Variants in CRBN observed in about 807,000 individuals in gnomAD.
CRBN encodes protein cereblon.
In CRBN, 53 loss-of-function variants were observed where a neutral mutation model predicts 62.2. The ratio of observed to expected loss-of-function variants is 0.85; its 90% CI spans 0.68 to 1.07. The LOEUF (loss-of-function observed/expected upper bound fraction) is 1.07, where lower values mean the gene tolerates loss of function less well. CRBN is among the 50% of genes least tolerant of loss of function. The pLI, the probability that CRBN is intolerant of heterozygous loss-of-function variation, is 0.00. For missense variants in CRBN, 616 were observed against 531.1 expected (o/e 1.16, Z -1.57); for synonymous variants, 208 against 176.1 (o/e 1.18, Z -1.43).
chr3:3,154,410 T>C (rs888378864), intron 7 of CRBN: 1 of 448,564 alleles, frequency 2.2e-6, no homozygotes, highest in South Asian at 2.4e-5. Context: ...AGGCAAGTCC[T>C]GGAACTAGAC....
chr3:3,161,074 C>G lies in CRBN; in HGVS notation c.688-4793G>C, dbSNP rs533647609. 2.6e-5 allele frequency among the ~76,000 whole-genome samples: 4 copies of G among 152,206 alleles called. No homozygotes were observed. The East Asian group carries it at 7.7e-4, about 29-fold the overall frequency. On this transcript the variant is annotated intron_variant, in intron 5 of 10. Transcript: ENST00000231948. ...CTTTGCATGGGAACGTCATTTTTGG[C>G]TATGATTTAGAATACAGAAGCATTA...
chr3:3,158,310 CCACT>C (rs1299312483), intron 5 of CRBN, among the ~76,000 whole-genome samples: 1 of 152,196 alleles, frequency 6.6e-6, no homozygotes, highest in African/African-American at 2.4e-5. Context: ...TGCTCGTTCA[CCACT>C]CACCACCGGC....
chr3:3,157,776 A>G (rs1317622243), intron 5 of CRBN, among the ~76,000 whole-genome samples: 2 of 152,198 alleles, frequency 1.3e-5, no homozygotes, highest in Admixed American at 6.5e-5. Flanking sequence ...GTTTGGTGCA[A>G]AAGTAACTGC....
intron 1 of CRBN, among the ~76,000 whole-genome samples, chr3:3,178,839 G>A (rs901724690): frequency 5.9e-5 from 9 of 151,466 alleles, no homozygotes; most frequent in Admixed American, 2.0e-4. Flanking sequence ...CTTTTGGAAA[G>A]CATCTCTTGA....
intron 5 of CRBN, among the ~76,000 whole-genome samples, chr3:3,157,599 C>G (rs1706953045): frequency 6.6e-6 from 1 of 152,158 alleles, no homozygotes; most frequent in African/African-American, 2.4e-5. Context: ...GTCATATGAT[C>G]TTGCAAGTGC....
intron 5 of CRBN, 175 bp downstream of exon 5, chr3:3,167,459 C>T: frequency 1.7e-6 from 1 of 602,528 alleles, no homozygotes; most frequent in Non-Finnish European, 2.9e-6. Flanking sequence ...CTTTTGTAAA[C>T]TGCTTTTACA....
intron 1 of CRBN, among the ~76,000 whole-genome samples, 200 bp downstream of exon 1, chr3:3,179,421 G>A (rs1037517105): frequency 1.3e-5 from 2 of 152,122 alleles, no homozygotes; most frequent in South Asian, 2.1e-4. Flanking sequence ...CTCACGGCTC[G>A]GGGCAACAGA....
intron 5 of CRBN, 27 bp downstream of exon 5, chr3:3,167,607 A>C (rs375034956): frequency 1.6e-5 from 25 of 1,602,578 alleles, no homozygotes; most frequent in Non-Finnish European, 1.9e-5. Context: ...TCATTTTTTG[A>C]AGATGCATAA....
chr3:3,166,311 C>T lies in CRBN; in HGVS notation c.687+1323G>A, dbSNP rs938649305. On this transcript the variant is annotated intron_variant, in intron 5 of 10. Coordinates refer to ENST00000231948, the MANE Select transcript of CRBN (RefSeq NM_016302.4). ...TGTACAAGTTCTTTTTCCCTGCTGC[C>T]ATCTATGTAAGACGTGACTTGCTCT... 4.6e-5 allele frequency among the ~76,000 whole-genome samples: 7 copies of T among 152,116 alleles called. No individual in the cohort carries two copies. In the East Asian group the frequency reaches 1.3e-3, roughly 29 times the overall value.
intron 4 of CRBN, among the ~76,000 whole-genome samples, chr3:3,168,721 CTTAT>C (rs372526817): frequency 5.1e-4 from 77 of 152,104 alleles, no homozygotes; most frequent in Admixed American, 3.3e-4. Flanking sequence ...TGACATTTTA[CTTAT>C]TTATTAGAAG....
At chr3:3,153,336 C>A in intron 9 of CRBN, 88 bp downstream of exon 9, 1 of 806,936 alleles carries the variant, frequency 1.2e-6, no homozygotes, top group Non-Finnish European at 2.2e-6. Context: ...CTTTAAGGTA[C>A]TGGAGGAAAG....
At chr3:3,153,368 GTCT>G in intron 9 of CRBN, 53 bp downstream of exon 9, 1 of 988,456 alleles carries the variant, frequency 1.0e-6, no homozygotes, top group East Asian at 2.4e-5. Flanking sequence ...CAGAAATACA[GTCT>G]TCATTATAAT....
chr3:3,161,537 C>T (rs1331942564), intron 5 of CRBN, among the ~76,000 whole-genome samples: 17 of 152,144 alleles, frequency 1.1e-4, no homozygotes, highest in African/African-American at 4.1e-4. Context: ...TACAGGCACC[C>T]GCCACCATGC....
chr3:3,178,856 T>A (rs148821646), intron 1 of CRBN, among the ~76,000 whole-genome samples: 82 of 152,256 alleles, frequency 5.4e-4, no homozygotes, highest in African/African-American at 1.9e-3. Flanking sequence ...TTGAAAGGCA[T>A]TCCATGAAAA....
chr3:3,153,162 A>G, intron 9 of CRBN: 1 of 425,546 alleles, frequency 2.3e-6, no homozygotes, highest in Non-Finnish European at 4.3e-6. Context: ...ATAGATTGTC[A>G]ACAAGAATTA....
At chr3:3,178,234 T>C (rs1253897002) in intron 1 of CRBN, among the ~76,000 whole-genome samples, 1 of 152,178 alleles carries the variant, frequency 6.6e-6, no homozygotes, top group Non-Finnish European at 1.5e-5. Context: ...CTGGCACACT[T>C]ACCCTTGTGT....
At position 3,177,644 on chromosome 3, in the gene CRBN, T is replaced by C. The variant is rs114133681; in HGVS notation, c.67+1977A>G. Reference sequence around the variant, plus strand: ...TACAGAAAGTTTAAAAGATAAACTATTAGCTCAAAGGCTGGAATTAATATT... The same window carrying C: ...TACAGAAAGTTTAAAAGATAAACTACTAGCTCAAAGGCTGGAATTAATATT... On this transcript the variant is annotated intron_variant, in intron 1 of 10. Coordinates refer to ENST00000231948, the MANE Select transcript of CRBN (RefSeq NM_016302.4). Among the ~76,000 whole-genome samples, 279 of 152,374 alleles carry C rather than the reference T, an allele frequency of 1.8e-3. 2 individuals carry two copies. Among genetic ancestry groups the C allele is most frequent in the African/African-American group, 6.3e-3 (262 of 41,588 alleles).
chr3:3,176,331 G>A (rs910867270), intron 1 of CRBN, among the ~76,000 whole-genome samples: 1 of 152,168 alleles, frequency 6.6e-6, no homozygotes, highest in African/African-American at 2.4e-5. Context: ...AGTAAGAAAA[G>A]AAACAAAGCA....
At chr3:3,157,565 T>TA (rs1219306426) in intron 5 of CRBN, among the ~76,000 whole-genome samples, 3 of 151,896 alleles carry the variant, frequency 2.0e-5, no homozygotes, top group Non-Finnish European at 2.9e-5. Flanking sequence ...GAATGATACT[T>TA]ACCCTAGGTA....
Sources: allele counts gnomAD v4.1 joint callset (sites outside exome capture counted in the v4.1 genomes callset), GRCh38; gene constraint gnomAD v4.1.1; transcripts MANE v1.5; gene names NCBI Gene and HGNC (gene_info 2026-07-23, HGNC 2026-07-21).